Variants in DLGAP1 observed in about 807,000 individuals in gnomAD.
DLGAP1 encodes the protein disks large-associated protein 1.
A neutral mutation model predicts 90.8 loss-of-function variants in DLGAP1; 11 were observed. That is an observed-to-expected ratio of 0.12 (90% confidence interval 0.08 to 0.20). DLGAP1 has a LOEUF of 0.20. DLGAP1 is among the 10% of genes least tolerant of loss of function. The pLI, the probability that DLGAP1 is intolerant of heterozygous loss-of-function variation, is 1.00. For synonymous variants in DLGAP1, 558 were observed against 540.7 expected (o/e 1.03, Z -0.44); for missense variants, 1,050 against 1,333.8 (o/e 0.79, Z 3.31).
At chr18:3,752,571 T>C (rs1406283622) in intron 5 of DLGAP1, among the ~76,000 whole-genome samples, 3 of 125,110 alleles carry the variant, frequency 2.4e-5, no homozygotes, top group Non-Finnish European at 4.9e-5. Context: ...TCTCTTTCTC[T>C]TTCTTTCTTC....
At chr18:3,707,932 CTT>C (rs1029308805) in intron 7 of DLGAP1, among the ~76,000 whole-genome samples, 3 of 151,966 alleles carry the variant, frequency 2.0e-5, no homozygotes, top group Non-Finnish European at 4.4e-5. Context: ...TCTGCAATCT[CTT>C]TTGAAATTCA....
Position 3,726,025 on chromosome 18 carries a change from G to T in DLGAP1, c.1591+3110C>A, listed in dbSNP as rs187882655. On this transcript the variant is annotated intron_variant, in intron 7 of 12. Transcript: ENST00000315677. Reference sequence around the variant, plus strand: ...AAAATGGGCTGACCCGAATGTCAAAGATTTAGAATGTGGATTGCTGTGGAG... The same window carrying T: ...AAAATGGGCTGACCCGAATGTCAAATATTTAGAATGTGGATTGCTGTGGAG... Among the ~76,000 whole-genome samples, 306 of 152,308 alleles carry T rather than the reference G, an allele frequency of 2.0e-3. 2 individuals are homozygous for T. The highest frequency in any genetic ancestry group is 7.0e-3 in the African/African-American group (290 of 41,566).
chr18:3,561,415 G>A (rs1421307744), intron 9 of DLGAP1, among the ~76,000 whole-genome samples: 1 of 119,846 alleles, frequency 8.3e-6, no homozygotes. Context: ...CTTCCTGGGC[G>A]ACAGAGCAAG....
chr18:3,587,627 G>C (rs534433294), intron 7 of DLGAP1, among the ~76,000 whole-genome samples: 22 of 152,172 alleles, frequency 1.4e-4, no homozygotes, highest in Non-Finnish European at 3.2e-4. Context: ...TGCTGTGGAA[G>C]CTTTGTTCTT....
intron 9 of DLGAP1, among the ~76,000 whole-genome samples, chr18:3,549,422 T>G (rs1196438038): frequency 6.6e-6 from 1 of 151,016 alleles, no homozygotes; most frequent in Non-Finnish European, 1.5e-5. Context: ...AACCTCCGCC[T>G]CCCAGGTTCA....
intron 7 of DLGAP1, among the ~76,000 whole-genome samples, chr18:3,620,927 C>T (rs1176100894): frequency 6.6e-6 from 1 of 152,190 alleles, no homozygotes; most frequent in East Asian, 1.9e-4. Context: ...TTTCACCCTT[C>T]AAACAGTGGT....
chr18:3,892,770 C>G (rs1270142860), intron 3 of DLGAP1, among the ~76,000 whole-genome samples: 4 of 151,922 alleles, frequency 2.6e-5, no homozygotes, highest in Non-Finnish European at 5.9e-5. Flanking sequence ...GGAGGTGTAG[C>G]TGGCTCAGAG....
intron 3 of DLGAP1, among the ~76,000 whole-genome samples, chr18:3,949,099 C>T (rs2072931768): frequency 6.6e-6 from 1 of 152,144 alleles, no homozygotes; most frequent in Non-Finnish European, 1.5e-5. Flanking sequence ...GCACCAATAA[C>T]ACAGGGCCCT....
At chr18:3,752,968 A>G (rs1188623178) in intron 5 of DLGAP1, among the ~76,000 whole-genome samples, 1 of 152,144 alleles carries the variant, frequency 6.6e-6, no homozygotes, top group Non-Finnish European at 1.5e-5. Flanking sequence ...TTTGGCTATT[A>G]TGAATAATGC....
At chr18:3,754,723 C>CAAAAAAAAAAA (rs1161245616) in intron 5 of DLGAP1, among the ~76,000 whole-genome samples, 5 of 58,720 alleles carry the variant, frequency 8.5e-5, no homozygotes, top group Non-Finnish European at 1.5e-4. Flanking sequence ...TACTAAAATA[C>CAAAAAAAAAAA]AAAAAAAAAA....
intron 1 of DLGAP1, among the ~76,000 whole-genome samples, chr18:4,443,759 T>C (rs776258898): frequency 3.9e-5 from 6 of 152,230 alleles, no homozygotes; most frequent in Non-Finnish European, 8.8e-5. Flanking sequence ...TATGCCAATA[T>C]GGCTACCCAA....
At chr18:4,090,795 A>G (rs1485686192) in intron 2 of DLGAP1, among the ~76,000 whole-genome samples, 1 of 152,258 alleles carries the variant, frequency 6.6e-6, no homozygotes, top group Non-Finnish European at 1.5e-5. Flanking sequence ...ATGCACATGT[A>G]TGTTCATGGC....
rs1020507585 is a variant in DLGAP1 at position 4,006,885 on chromosome 18, T to C, written c.-158-1684A>G. 9.9e-5 allele frequency among the ~76,000 whole-genome samples: 15 copies of C among 152,238 alleles called. 1 individual carries two copies. In the South Asian group the frequency reaches 1.7e-3, roughly 17 times the overall value. ...CTGATGCTGCACTCCTGGCCTCAAG[T>C]TATCCTCCTACCTCGGCCTACTAAA... On this transcript the variant is annotated intron_variant, in intron 2 of 12. Coordinates refer to ENST00000315677, the MANE Select transcript of DLGAP1 (RefSeq NM_004746.4).
intron 3 of DLGAP1, among the ~76,000 whole-genome samples, chr18:3,923,826 TGA>T (rs1379990472): frequency 1.3e-5 from 2 of 152,252 alleles, no homozygotes; most frequent in Non-Finnish European, 2.9e-5. Context: ...ATCATATTGC[TGA>T]TTCACTTTTA....
At chr18:4,044,957 C>T (rs2075026909) in intron 2 of DLGAP1, among the ~76,000 whole-genome samples, 1 of 152,064 alleles carries the variant, frequency 6.6e-6, no homozygotes, top group Non-Finnish European at 1.5e-5. Flanking sequence ...CATATCACCA[C>T]CTCCTCTTCC....
In DLGAP1 at chr18:4,113,085, T is replaced by A. The variant is rs112797110; in HGVS notation, c.-159+38095A>T. 4.5e-3 allele frequency among the ~76,000 whole-genome samples: 692 copies of A among 152,310 alleles called. 5 individuals are homozygous for A. Among genetic ancestry groups the A allele is most frequent in the South Asian group, 0.025 (121 of 4,820 alleles). ...TGTGATGAACATATGAACACGTGTC[T>A]TTTTAGTAGAACAATTTATTTTCCA... On this transcript the variant is annotated intron_variant, in intron 2 of 12. Transcript: ENST00000315677.
intron 3 of DLGAP1, among the ~76,000 whole-genome samples, chr18:3,926,595 G>T (rs1454228648): frequency 2.6e-5 from 4 of 151,518 alleles, no homozygotes; most frequent in Admixed American, 6.6e-5. Flanking sequence ...TATATAGATA[G>T]ATACATGCAG....
At chr18:3,863,708 G>T (rs1049532181) in intron 4 of DLGAP1, among the ~76,000 whole-genome samples, 2 of 152,204 alleles carry the variant, frequency 1.3e-5, no homozygotes, top group Non-Finnish European at 2.9e-5. Context: ...GTGCAGTGCT[G>T]CTTGCTAGGT....
intron 10 of DLGAP1, among the ~76,000 whole-genome samples, chr18:3,514,104 T>A (rs1020969715): frequency 6.5e-5 from 8 of 123,718 alleles, no homozygotes; most frequent in Non-Finnish European, 1.4e-4. Flanking sequence ...TTTCTCTGAC[T>A]GCTTCTTTTT....
Sources: allele counts gnomAD v4.1 joint callset (sites outside exome capture counted in the v4.1 genomes callset), GRCh38; gene constraint gnomAD v4.1.1; transcripts MANE v1.5; gene names NCBI Gene and HGNC (gene_info 2026-07-23, HGNC 2026-07-21).